EVA1C: variants seen among roughly 807,000 people sequenced by gnomAD.
The protein encoded by EVA1C is protein eva-1 homolog C.
EVA1C carries 25 observed loss-of-function variants against 45.4 expected under a neutral mutation model. That is an observed-to-expected ratio of 0.55 (90% CI 0.40 to 0.77). EVA1C has a LOEUF of 0.77. Ranked by LOEUF, EVA1C falls within the 30% of genes least tolerant of loss-of-function variation. The pLI is 0.00. For synonymous variants in EVA1C, 190 were observed against 221.2 expected, an observed-to-expected ratio of 0.86 and a Z score of 1.25; for missense variants, 479 against 554.8, an observed-to-expected ratio of 0.86 and a Z score of 1.37.
At chr21:32,463,015 G>A (rs1005414938) in intron 3 of EVA1C, among the ~76,000 whole-genome samples, 5 of 152,084 alleles carry the variant, frequency 3.3e-5, no homozygotes, top group Admixed American at 2.6e-4. Context: ...TTCTTCTAGC[G>A]CCACTGGTTT....
chr21:32,428,580 G>A (rs1357490536), intron 1 of EVA1C: 3 of 152,182 alleles, frequency 2.0e-5, no homozygotes, highest in Non-Finnish European at 4.4e-5. Flanking sequence ...CCTGAACCTC[G>A]TGGAACCTTC....
intron 7 of EVA1C, 131 bp downstream of exon 7, chr21:32,504,146 A>C: frequency 1.5e-6 from 1 of 648,986 alleles, no homozygotes. Context: ...GCCAACCACC[A>C]CTTCTAAGAT....
At chr21:32,491,083 G>A (rs955709308) in intron 4 of EVA1C, among the ~76,000 whole-genome samples, 1 of 152,218 alleles carries the variant, frequency 6.6e-6, no homozygotes, top group Non-Finnish European at 1.5e-5. Flanking sequence ...GAGAGGCAGA[G>A]AGAAGGAAAC....
At position 32,412,766 on chromosome 21, in the gene EVA1C, G is replaced by A. The variant is rs998858403; in HGVS notation, c.-88G>A. On this transcript the variant is annotated 5_prime_UTR_variant, in exon 1 of 8. Coordinates refer to ENST00000300255, the MANE Select transcript of EVA1C (RefSeq NM_058187.5). ...GGGGGCCGCGGAGCCGCTGGCCATCGATTCTCCCCGCCATGTGACGCCGTC... is the reference window on the plus strand; with the variant it reads ...GGGGGCCGCGGAGCCGCTGGCCATCAATTCTCCCCGCCATGTGACGCCGTC... 4 of 1,252,214 alleles carry A rather than the reference G, an allele frequency of 3.2e-6. No homozygotes were observed. Among genetic ancestry groups the A allele is most frequent in the Non-Finnish European group, 4.1e-6 (4 of 980,354 alleles). The allele number at this position is 1,252,214 out of a possible 1,614,324, so 77.6% of individuals were successfully genotyped here.
intron 1 of EVA1C, among the ~76,000 whole-genome samples, chr21:32,432,633 G>C (rs1338425013): frequency 6.6e-6 from 1 of 152,030 alleles, no homozygotes; most frequent in Non-Finnish European, 1.5e-5. Context: ...TGCTGCTCTT[G>C]AAAATGTTGT....
In EVA1C at chr21:32,416,958, GTGT is replaced by G. The variant is rs546728926; in HGVS notation, c.160+3956_160+3958del. Among the ~76,000 whole-genome samples, 10 of 152,278 alleles carry G rather than the reference GTGT, an allele frequency of 6.6e-5. No homozygotes were observed. The South Asian group carries it at 1.2e-3, about 19-fold the overall frequency. The stretch of plus-strand genomic sequence containing the variant: ...AAACAAAGGTCACTCTATAATAGAA[GTGT>G]TGTTGTTGTTTTTTAATGGAGTCAT... On this transcript the variant is annotated intron_variant, in intron 1 of 7. Transcript: ENST00000300255.
At chr21:32,441,518 G>GTTGGATGAGT (rs2035172741) in intron 1 of EVA1C, among the ~76,000 whole-genome samples, 3 of 151,966 alleles carry the variant, frequency 2.0e-5, no homozygotes, top group Non-Finnish European at 4.4e-5. Context: ...GTTGGATGAG[G>GTTGGATGAGT]CTGGATGAAG....
chr21:32,514,882 G>A lies in EVA1C; in HGVS notation c.1018G>A (p.Ala340Thr), dbSNP rs1411949567. The A allele has an allele frequency of 5.6e-6, 9 of 1,613,260 alleles. No homozygotes were observed. Among genetic ancestry groups the A allele is most frequent in the Admixed American group, 3.3e-5 (2 of 59,954 alleles). The stretch of plus-strand genomic sequence containing the variant: ...CATCGGCCTGGCCCTCACACTGTGC[G>A]CCCTGGTCATCAGAGAGTCCTGTGC... Reference protein sequence around the residue: ...VCIGLALTLCALVIRESCAKD... With the variant: ...VCIGLALTLCTLVIRESCAKD... The change falls in exon 8 of 8, where the codon GCC becomes ACC. Residue 340 changes from alanine (A) to threonine (T), a missense_variant. Ala to Thr is a moderately conservative substitution (Grantham distance 58). Around this residue, in one of 3 missense-constraint regions of EVA1C, gnomAD observed 366 missense variants for 426.1 expected, o/e 0.86. Coordinates refer to ENST00000300255, the MANE Select transcript of EVA1C (RefSeq NM_058187.5).
At position 32,496,920 on chromosome 21, in the gene EVA1C, G is replaced by C. The variant is rs2037371379; in HGVS notation, c.778+1750G>C. Reference sequence around the variant, plus strand: ...GTGAGCCAGTTTCTTTGTCTTACTTGGCATTTGAAGGTGCAACTAAAAGAA... The same window carrying C: ...GTGAGCCAGTTTCTTTGTCTTACTTCGCATTTGAAGGTGCAACTAAAAGAA... On this transcript the variant is annotated intron_variant, in intron 5 of 7. Coordinates refer to ENST00000300255, the MANE Select transcript of EVA1C (RefSeq NM_058187.5). 1.8e-5 allele frequency: 23 copies of C among 1,282,416 alleles called. 1 individual carries two copies. In the South Asian group the frequency reaches 2.7e-4, roughly 15 times the overall value. The allele number at this position is 1,282,416 out of a possible 1,614,324, so 79.4% of individuals were successfully genotyped here.
rs756746948 is a variant in EVA1C at position 32,467,824 on chromosome 21, A to C, written c.610A>C (p.Lys204Gln). The C allele has an allele frequency of 1.8e-5, 29 of 1,611,154 alleles. No individual in the cohort carries two copies. In the South Asian group the frequency reaches 3.1e-4, roughly 17 times the overall value. Residue 204 changes from lysine (K) to glutamine (Q), a missense_variant, in exon 4 of 8, where the codon AAG becomes CAG. Around this residue, in one of 3 missense-constraint regions of EVA1C, gnomAD observed 366 missense variants for 426.1 expected, o/e 0.86. Coordinates refer to ENST00000300255, the MANE Select transcript of EVA1C (RefSeq NM_058187.5). ...RTQERDICSS[K>Q]AERLPPFDCL... ...CCAGGAAAGGGACATCTGCTCCTCC[A>C]AGGCAGAGCGGCTCCCCCCTTTCGG...
chr21:32,466,507 CTG>C (rs1450227227), intron 3 of EVA1C, among the ~76,000 whole-genome samples: 2 of 149,628 alleles, frequency 1.3e-5, no homozygotes, highest in African/African-American at 4.9e-5. Flanking sequence ...AAAAAATAAA[CTG>C]TGTTTTCTTC....
intron 5 of EVA1C, chr21:32,497,229 T>G: frequency 1.2e-6 from 1 of 803,732 alleles, no homozygotes; most frequent in Non-Finnish European, 2.2e-6. Flanking sequence ...CAGCAGACTT[T>G]AATTTTGGCA....
chr21:32,515,214 T>G lies in EVA1C; in HGVS notation c.*24T>G, dbSNP rs118094607. On this transcript the variant is annotated 3_prime_UTR_variant, in exon 8 of 8. Coordinates refer to ENST00000300255, the MANE Select transcript of EVA1C (RefSeq NM_058187.5). ...GAAAACCACATGCATCTTGATGCGA[T>G]CGCACTTTCTGAAGAAGGAAGGATC... 859 of 1,537,506 alleles carry G rather than the reference T, an allele frequency of 5.6e-4. 4 individuals are homozygous for G. The East Asian group carries it at 0.015, about 26-fold the overall frequency.
Position 32,429,605 on chromosome 21 carries a change from C to T in EVA1C, c.160+16592C>T, listed in dbSNP as rs141323193. Among the ~76,000 whole-genome samples, 746 of 152,244 alleles carry T rather than the reference C, an allele frequency of 4.9e-3. 5 individuals carry two copies. Among genetic ancestry groups the T allele is most frequent in the African/African-American group, 0.016 (647 of 41,548 alleles). ...CTGACCTCAGGTAATTCACCTGCCT[C>T]GGCCTCCCAAAATGCTGAGATTACA... On this transcript the variant is annotated intron_variant, in intron 1 of 7. Coordinates refer to ENST00000300255, the MANE Select transcript of EVA1C (RefSeq NM_058187.5).
intron 7 of EVA1C, among the ~76,000 whole-genome samples, chr21:32,510,649 A>G (rs1211985507): frequency 1.3e-5 from 2 of 152,218 alleles, no homozygotes; most frequent in Admixed American, 6.5e-5. Context: ...TGCAGGGAAG[A>G]TGGAGCAGAA....
intron 4 of EVA1C, among the ~76,000 whole-genome samples, chr21:32,471,943 T>C (rs1262689978): frequency 6.6e-6 from 1 of 152,122 alleles, no homozygotes; most frequent in Non-Finnish European, 1.5e-5. Flanking sequence ...TTCTTAATAT[T>C]GCAGAGAAGC....
intron 7 of EVA1C, among the ~76,000 whole-genome samples, chr21:32,509,106 G>A (rs1219312585): frequency 6.6e-6 from 1 of 152,256 alleles, no homozygotes; most frequent in Non-Finnish European, 1.5e-5. Flanking sequence ...ACCATGGAGA[G>A]AGCCCTGGCC....
At chr21:32,480,398 C>T (rs1311505618) in intron 4 of EVA1C, among the ~76,000 whole-genome samples, 2 of 150,588 alleles carry the variant, frequency 1.3e-5, no homozygotes, top group Non-Finnish European at 3.0e-5. Context: ...CACAAATATA[C>T]TAGTAAATGG....
At chr21:32,492,221 C>T (rs1197354091) in intron 4 of EVA1C, among the ~76,000 whole-genome samples, 12 of 152,110 alleles carry the variant, frequency 7.9e-5, no homozygotes, top group Non-Finnish European at 1.5e-4. Context: ...TCAATAGGGG[C>T]ATTTAGGCAC....
Sources: gnomAD v4.1 joint callset for allele counts (sites outside exome capture counted in the v4.1 genomes callset) on GRCh38, gnomAD v4.1.1 for gene constraint, gnomAD v4.1.1 regional missense constraint, MANE v1.5 for transcripts, NCBI Gene and HGNC (gene_info 2026-07-23, HGNC 2026-07-21) for gene names.